SYNE2: variants seen among roughly 807,000 people sequenced by gnomAD.
SYNE2 encodes the protein nesprin-2.
SYNE2 carries 431 observed loss-of-function variants against 856.3 expected under a neutral mutation model. The observed-to-expected ratio is 0.50, with a 90% confidence interval of 0.47 to 0.55. The LOEUF is 0.55. Ranked by LOEUF, SYNE2 falls within the 20% of genes least tolerant of loss-of-function variation. SYNE2 has a pLI of 0.00. For synonymous variants in SYNE2, 2,923 were observed against 2,872.3 expected (o/e 1.02, Z -0.56); for missense variants, 8,129 against 8,023.2 (o/e 1.01, Z -0.50).
Position 63,868,875 on chromosome 14 carries a change from C to T in SYNE2, c.-52+15732C>T, listed in dbSNP as rs80167920. Among the ~76,000 whole-genome samples the T allele has an allele frequency of 2.2e-3, 332 of 152,212 alleles. 2 individuals carry two copies. Among genetic ancestry groups the T allele is most frequent in the Middle Eastern group, 6.8e-3 (2 of 294 alleles). On this transcript the variant is annotated intron_variant, in intron 1 of 115. Transcript: ENST00000555002. ...ATTTCATTATCTAATAAAGGGGACA[C>T]CATTAAGGAAAAGAGCAACATTCTC... is the stretch of plus-strand genomic sequence containing the variant.
At chr14:64,059,098 CA>C (rs1420342137) in intron 49 of SYNE2, among the ~76,000 whole-genome samples, 1 of 152,092 alleles carries the variant, frequency 6.6e-6, no homozygotes, top group African/African-American at 2.4e-5. Flanking sequence ...TGATTTTCCT[CA>C]AAACAGCTAT....
At chr14:64,129,640 G>C (rs1371249840) in intron 74 of SYNE2, 142 bp from the exon 75 acceptor site, 1 of 1,175,872 alleles carries the variant, frequency 8.5e-7, no homozygotes, top group Non-Finnish European at 1.2e-6. Context: ...TTGTTAAGGA[G>C]AGCAGGAGGT....
chr14:63,982,009 G>A (rs1045100765), intron 16 of SYNE2, among the ~76,000 whole-genome samples: 2 of 152,040 alleles, frequency 1.3e-5, no homozygotes, highest in Non-Finnish European at 2.9e-5. Context: ...AGAAAAACAC[G>A]CTAAGGTTGT....
At chr14:64,110,992 T>G (rs2097801709) in intron 65 of SYNE2, among the ~76,000 whole-genome samples, 1 of 152,134 alleles carries the variant, frequency 6.6e-6, no homozygotes, top group Non-Finnish European at 1.5e-5. Flanking sequence ...AAACCCAGAT[T>G]AGTCATGCAG....
chr14:63,849,289 T>G, upstream of SYNE2, among the ~76,000 whole-genome samples: 1 of 145,826 alleles, frequency 6.9e-6, no homozygotes. Flanking sequence ...TTTTTTGCAG[T>G]AACATAGTAA....
In SYNE2 at chr14:64,139,955, CG is replaced by C; in HGVS notation, c.14860del (p.Asp4954IlefsTer3). ...LKHLLSYNRD[S>X]DQLTKWLESS... ...GCTCCTGTTAGTTATAACAGAGATT[CG>C]GATCAGTTAACCAAGTGGTTGGAAT... On this transcript the variant is annotated frameshift_variant, in exon 80 of 116. Transcript: ENST00000555002. LOFTEE classifies it high-confidence loss of function. The C allele has an allele frequency of 6.2e-7, 1 of 1,613,982 alleles. No individual in the cohort carries two copies. Among genetic ancestry groups the C allele is most frequent in the Non-Finnish European group, 8.5e-7 (1 of 1,179,970 alleles).
intron 1 of SYNE2, among the ~76,000 whole-genome samples, chr14:63,883,645 T>G (rs1353169528): frequency 6.6e-6 from 1 of 152,230 alleles, no homozygotes; most frequent in Non-Finnish European, 1.5e-5. Context: ...CGTGCGCCAC[T>G]GCGCCTGGCC....
chr14:63,871,118 A>G (rs1265313505), intron 1 of SYNE2, among the ~76,000 whole-genome samples: 1 of 152,204 alleles, frequency 6.6e-6, no homozygotes, highest in East Asian at 1.9e-4. Context: ...ATGCGGTTGC[A>G]CAGAAATGGA....
At chr14:63,859,854 G>A (rs1893016123) in intron 1 of SYNE2, among the ~76,000 whole-genome samples, 1 of 152,062 alleles carries the variant, frequency 6.6e-6, no homozygotes. Flanking sequence ...AAGTCACTAT[G>A]TGCAGCCTGC....
At chr14:63,822,519 C>T (rs1889263131) in intron 1 of SYNE2, among the ~76,000 whole-genome samples, 1 of 152,068 alleles carries the variant, frequency 6.6e-6, no homozygotes, top group Non-Finnish European at 1.5e-5. Flanking sequence ...GCAGTGATAC[C>T]AGTTAGAGCT....
intron 1 of SYNE2, among the ~76,000 whole-genome samples, chr14:63,880,671 ATT>A (rs35718279): frequency 2.4e-4 from 31 of 130,028 alleles, no homozygotes; most frequent in Admixed American, 5.5e-4. Context: ...ATTGTCTTTA[ATT>A]TTTTTTTTTT....
At chr14:64,140,528 A>AGCT (rs1264716725) in intron 80 of SYNE2, among the ~76,000 whole-genome samples, 1 of 152,200 alleles carries the variant, frequency 6.6e-6, no homozygotes, top group Non-Finnish European at 1.5e-5. Context: ...GGTTGCAATG[A>AGCT]GCTGAGATGG....
At chr14:63,937,404 C>T (rs964269384) in intron 2 of SYNE2, among the ~76,000 whole-genome samples, 1 of 152,156 alleles carries the variant, frequency 6.6e-6, no homozygotes, top group Non-Finnish European at 1.5e-5. Flanking sequence ...GAGGTAGGAA[C>T]AGAATGTTCT....
At chr14:64,209,732 T>C in intron 102 of SYNE2, 154 bp downstream of exon 102, 3 of 1,195,216 alleles carry the variant, frequency 2.5e-6, no homozygotes, top group East Asian at 2.5e-5. Context: ...TGAGACAGCT[T>C]TGCAAGACAT....
intron 79 of SYNE2, among the ~76,000 whole-genome samples, chr14:64,139,404 T>G (rs756572319): frequency 4.6e-5 from 7 of 151,058 alleles, no homozygotes; most frequent in Non-Finnish European, 1.0e-4. Flanking sequence ...ACTTCCTCAT[T>G]ATTATTATTA....
intron 1 of SYNE2, among the ~76,000 whole-genome samples, chr14:63,898,372 C>T (rs1255180889): frequency 6.6e-6 from 1 of 152,032 alleles, no homozygotes; most frequent in Non-Finnish European, 1.5e-5. Context: ...TGTTGGCATA[C>T]TTTCGTTCAT....
chr14:64,209,709 T>C, intron 102 of SYNE2, 131 bp downstream of exon 102: 1 of 1,336,870 alleles, frequency 7.5e-7, no homozygotes, highest in South Asian at 1.2e-5. Flanking sequence ...AACCACAGCC[T>C]GCCCCCAGCT....
At chr14:64,210,983 T>C (rs781759661) in intron 103 of SYNE2, among the ~76,000 whole-genome samples, 9 of 152,032 alleles carry the variant, frequency 5.9e-5, no homozygotes, top group Non-Finnish European at 1.2e-4. Context: ...TTCTCTCTCT[T>C]CTCTCTTTCT....
At chr14:63,958,388 A>G (rs1349968321) in intron 8 of SYNE2, among the ~76,000 whole-genome samples, 3 of 152,078 alleles carry the variant, frequency 2.0e-5, no homozygotes, top group African/African-American at 7.2e-5. Context: ...ACAGTTTTAG[A>G]GATTACTGGT....
Sources: allele counts gnomAD v4.1 joint callset (sites outside exome capture counted in the v4.1 genomes callset), GRCh38; gene constraint gnomAD v4.1.1; transcripts MANE v1.5; gene names NCBI Gene and HGNC (gene_info 2026-07-23, HGNC 2026-07-21).